Variants in BTBD9 observed in about 807,000 individuals in gnomAD.
BTBD9 encodes BTB/POZ domain-containing protein 9.
In BTBD9, 49 loss-of-function variants were observed where a neutral mutation model predicts 64.3. That is an observed-to-expected ratio of 0.76 (90% CI 0.61 to 0.97). BTBD9 has a LOEUF of 0.97. BTBD9 is among the 50% of genes least tolerant of loss of function. BTBD9 has a pLI of 0.00. For missense variants in BTBD9, 598 were observed against 762.1 expected, an observed-to-expected ratio of 0.78 and a Z score of 2.53; for synonymous variants, 260 against 274.7, an observed-to-expected ratio of 0.95 and a Z score of 0.53.
Position 38,192,114 on chromosome 6 carries a change from C to T in BTBD9, c.1641+405G>A, listed in dbSNP as rs941977328. ...GAGGCACACGCTTGACACAGTGTGA[C>T]TACGAAACAGCAGGGGAGTGATAAG... On this transcript the variant is annotated intron_variant, in intron 10 of 10. Transcript: ENST00000481247. Among the ~76,000 whole-genome samples, 11 of 152,328 alleles carry T rather than the reference C, an allele frequency of 7.2e-5. No homozygotes were observed. The South Asian group carries it at 1.7e-3, about 23-fold the overall frequency.
chr6:38,328,676 G>A (rs981900872), intron 7 of BTBD9, among the ~76,000 whole-genome samples: 12 of 149,796 alleles, frequency 8.0e-5, no homozygotes, highest in Non-Finnish European at 1.2e-4. Flanking sequence ...GGCCGGGCGC[G>A]GTGGCTCACG....
At chr6:38,564,760 T>G (rs537509601) in intron 6 of BTBD9, among the ~76,000 whole-genome samples, 1 of 151,738 alleles carries the variant, frequency 6.6e-6, no homozygotes, top group Non-Finnish European at 1.5e-5. Context: ...GGCGTGGTGG[T>G]AGGCACCTGT....
Position 38,444,199 on chromosome 6 carries a change from G to A in BTBD9, c.1155-99106C>T, listed in dbSNP as rs559241792. ...GCCATGTGTCTTCATTGGACGTTTT[G>A]TGCTTTCCTTCAATGACTGTCTACT... On this transcript the variant is annotated intron_variant, in intron 6 of 10. Coordinates refer to ENST00000481247, the MANE Select transcript of BTBD9 (RefSeq NM_001099272.2). 5.9e-5 allele frequency among the ~76,000 whole-genome samples: 9 copies of A among 152,278 alleles called. No homozygotes were observed. In the East Asian group the frequency reaches 1.5e-3, roughly 26 times the overall value.
chr6:38,181,168 T>C (rs1156825785), intron 10 of BTBD9, among the ~76,000 whole-genome samples: 1 of 152,238 alleles, frequency 6.6e-6, no homozygotes, highest in Non-Finnish European at 1.5e-5. Context: ...TTTTCCCAAG[T>C]TGGCCTAAGA....
chr6:38,533,448 A>T (rs983455505), intron 6 of BTBD9, among the ~76,000 whole-genome samples: 1 of 152,212 alleles, frequency 6.6e-6, no homozygotes, highest in Admixed American at 6.5e-5. Context: ...ACTCTATTAG[A>T]ATCACAGCTG....
intron 6 of BTBD9, among the ~76,000 whole-genome samples, chr6:38,396,897 CTTTTTTTTTTTT>C (rs146597621): frequency 1.9e-5 from 2 of 107,402 alleles, no homozygotes; most frequent in Non-Finnish European, 3.6e-5. Flanking sequence ...TTTTCTTTTT[CTTTTTTTTTTTT>C]TTTTTTTTTT....
At chr6:38,639,242 C>G (rs898838046) in intron 1 of BTBD9, among the ~76,000 whole-genome samples, 4 of 152,232 alleles carry the variant, frequency 2.6e-5, no homozygotes, top group Admixed American at 2.0e-4. Context: ...GTTAGAAACT[C>G]TAGGCAACAG....
At chr6:38,400,774 C>T (rs1766892311) in intron 6 of BTBD9, among the ~76,000 whole-genome samples, 1 of 152,226 alleles carries the variant, frequency 6.6e-6, no homozygotes, top group Admixed American at 6.5e-5. Flanking sequence ...AGTATTCATG[C>T]TCACTGTAAC....
At chr6:38,338,343 A>C (rs1200846602) in intron 7 of BTBD9, among the ~76,000 whole-genome samples, 1 of 152,192 alleles carries the variant, frequency 6.6e-6, no homozygotes, top group Non-Finnish European at 1.5e-5. Flanking sequence ...TGAATTGTTT[A>C]TATCTGGGAT....
chr6:38,230,187 A>T (rs1260955716), intron 9 of BTBD9, among the ~76,000 whole-genome samples: 1 of 152,134 alleles, frequency 6.6e-6, no homozygotes, highest in Non-Finnish European at 1.5e-5. Flanking sequence ...AGCAACCAGA[A>T]TGAACTTTAA....
chr6:38,615,715 C>A (rs1777762426), intron 1 of BTBD9, among the ~76,000 whole-genome samples: 1 of 152,176 alleles, frequency 6.6e-6, no homozygotes, highest in Admixed American at 6.5e-5. Flanking sequence ...GCTCTTAGCC[C>A]TAGAAGATAA....
intron 10 of BTBD9, among the ~76,000 whole-genome samples, chr6:38,186,250 T>TG (rs1408902527): frequency 6.6e-6 from 1 of 152,178 alleles, no homozygotes; most frequent in Non-Finnish European, 1.5e-5. Flanking sequence ...ACCTACTTCA[T>TG]ATATGAGGAT....
chr6:38,488,017 G>T (rs892451865), intron 6 of BTBD9, among the ~76,000 whole-genome samples: 2 of 152,122 alleles, frequency 1.3e-5, no homozygotes, highest in African/African-American at 4.8e-5. Context: ...GTTAGAAAAA[G>T]CAATTCCCTA....
Position 38,425,004 on chromosome 6 carries a change from T to A in BTBD9, c.1155-79911A>T, listed in dbSNP as rs1203435773. On this transcript the variant is annotated intron_variant, in intron 6 of 10. Coordinates refer to ENST00000481247, the MANE Select transcript of BTBD9 (RefSeq NM_001099272.2). ...GGCACATGCCACCCAGCTAATTTTG[T>A]ATTCTTAGTAGAGACAGGGCTTCAC... 2.0e-5 allele frequency among the ~76,000 whole-genome samples: 3 copies of A among 150,948 alleles called. No individual in the cohort carries two copies. The East Asian group carries it at 5.9e-4, about 30-fold the overall frequency.
At chr6:38,248,175 A>G (rs988419670) in intron 9 of BTBD9, among the ~76,000 whole-genome samples, 5 of 152,192 alleles carry the variant, frequency 3.3e-5, no homozygotes, top group African/African-American at 1.2e-4. Flanking sequence ...TAAGTTATTA[A>G]AAAAACTCTT....
At chr6:38,450,864 C>G (rs1245982529) in intron 6 of BTBD9, among the ~76,000 whole-genome samples, 1 of 152,184 alleles carries the variant, frequency 6.6e-6, no homozygotes, top group Non-Finnish European at 1.5e-5. Flanking sequence ...AATGTACACT[C>G]AAGGTTAATA....
At chr6:38,465,826 CT>C (rs1301019254) in intron 6 of BTBD9, among the ~76,000 whole-genome samples, 1 of 93,224 alleles carries the variant, frequency 1.1e-5, no homozygotes, top group Non-Finnish European at 2.1e-5. Flanking sequence ...CTTTTTCTTT[CT>C]TTTTTCCTTT....
intron 7 of BTBD9, among the ~76,000 whole-genome samples, chr6:38,300,678 A>G (rs1762356034): frequency 6.6e-6 from 1 of 152,214 alleles, no homozygotes; most frequent in Non-Finnish European, 1.5e-5. Context: ...ACTGGTGTAT[A>G]AGAATGTTTG....
chr6:38,375,945 A>G (rs1304653568), intron 6 of BTBD9, among the ~76,000 whole-genome samples: 1 of 82,592 alleles, frequency 1.2e-5, no homozygotes, highest in African/African-American at 6.6e-5. Flanking sequence ...GAAAGAAGGA[A>G]AGAAGGAAAG....
Sources: allele counts gnomAD v4.1 joint callset (sites outside exome capture counted in the v4.1 genomes callset), GRCh38; gene constraint gnomAD v4.1.1; transcripts MANE v1.5; gene names NCBI Gene and HGNC (gene_info 2026-07-23, HGNC 2026-07-21).